FHIT: variants seen among roughly 807,000 people sequenced by gnomAD.
The protein encoded by FHIT is fragile histidine triad diadenosine triphosphatase.
In FHIT, 19 loss-of-function variants were observed where a neutral mutation model predicts 17.9. The observed-to-expected ratio is 1.06, with a 90% CI of 0.74 to 1.56. The LOEUF is 1.56. Among genes scored for constraint, FHIT ranks in the 40% most tolerant of loss-of-function variants. FHIT has a pLI of 0.00. For missense variants in FHIT, 248 were observed against 189.2 expected, an observed-to-expected ratio of 1.31 and a Z score of -1.82; for synonymous variants, 81 against 69.7, an observed-to-expected ratio of 1.16 and a Z score of -0.81.
At chr3:59,986,510 T>C (rs868150452) in intron 7 of FHIT, among the ~76,000 whole-genome samples, 1 of 2,948 alleles carries the variant, frequency 3.4e-4, no homozygotes, top group Non-Finnish European at 8.0e-4. Flanking sequence ...TATATATATA[T>C]ATATATATAT....
At chr3:60,291,645 G>C (rs904173214) in intron 5 of FHIT, among the ~76,000 whole-genome samples, 3 of 152,114 alleles carry the variant, frequency 2.0e-5, no homozygotes, top group Non-Finnish European at 4.4e-5. Context: ...TCATTAGAAA[G>C]AAAATTCTGC....
chr3:61,126,334 C>T (rs1397288048), intron 2 of FHIT, among the ~76,000 whole-genome samples: 3 of 152,072 alleles, frequency 2.0e-5, no homozygotes, highest in Non-Finnish European at 2.9e-5. Context: ...CATTTTCATA[C>T]TGCTATAAAT....
At chr3:61,077,485 C>CAAACAAAAAAAAA (rs1553826816) in intron 2 of FHIT, among the ~76,000 whole-genome samples, 2 of 151,304 alleles carry the variant, frequency 1.3e-5, no homozygotes, top group African/African-American at 4.8e-5. Flanking sequence ...AACAAACAAA[C>CAAACAAAAAAAAA]AAAAAAAAAC....
At chr3:60,752,531 T>C (rs1553717104) in intron 4 of FHIT, among the ~76,000 whole-genome samples, 1 of 152,146 alleles carries the variant, frequency 6.6e-6, no homozygotes, top group African/African-American at 2.4e-5. Context: ...AAGTGAGACC[T>C]CCTCTCCAAG....
chr3:60,977,490 A>T (rs1299049193), intron 3 of FHIT, among the ~76,000 whole-genome samples: 6 of 152,186 alleles, frequency 3.9e-5, no homozygotes, highest in African/African-American at 1.4e-4. Flanking sequence ...CAAACAAGCA[A>T]ATGTGCTCAG....
At chr3:60,050,228 T>A (rs1195379552) in intron 5 of FHIT, among the ~76,000 whole-genome samples, 6 of 152,192 alleles carry the variant, frequency 3.9e-5, no homozygotes, top group African/African-American at 1.4e-4. Context: ...CTCCAATATT[T>A]TCTTAGCTTG....
chr3:60,607,981 C>T (rs374875091), intron 4 of FHIT, among the ~76,000 whole-genome samples: 17 of 152,266 alleles, frequency 1.1e-4, no homozygotes, highest in African/African-American at 4.1e-4. Flanking sequence ...CTCCTCCCTG[C>T]TCCCACTTGC....
intron 5 of FHIT, among the ~76,000 whole-genome samples, chr3:60,044,690 T>C (rs537853875): frequency 6.6e-6 from 1 of 152,224 alleles, no homozygotes; most frequent in East Asian, 1.9e-4. Context: ...ATGATGAAAA[T>C]GAGACTCAAA....
intron 2 of FHIT, among the ~76,000 whole-genome samples, chr3:61,058,102 A>G (rs1378527971): frequency 6.6e-6 from 1 of 152,170 alleles, no homozygotes; most frequent in Admixed American, 6.5e-5. Flanking sequence ...TGTTGAAAGG[A>G]TTCACTGAGA....
intron 3 of FHIT, among the ~76,000 whole-genome samples, chr3:60,983,460 G>A (rs1710580627): frequency 6.6e-6 from 1 of 152,146 alleles, no homozygotes; most frequent in Admixed American, 6.5e-5. Context: ...AGAAGGAGAT[G>A]AATTCCAGGT....
intron 4 of FHIT, among the ~76,000 whole-genome samples, chr3:60,585,868 A>G (rs2037889554): frequency 6.6e-6 from 1 of 151,772 alleles, no homozygotes; most frequent in South Asian, 2.1e-4. Flanking sequence ...CCAGATTTGG[A>G]TAAATTTGGG....
chr3:60,066,696 A>T (rs1017864142), intron 5 of FHIT, among the ~76,000 whole-genome samples: 1 of 109,048 alleles, frequency 9.2e-6, no homozygotes, highest in Non-Finnish European at 1.7e-5. Flanking sequence ...TTGCTCTGTC[A>T]CCCAGGCTGG....
chr3:60,018,238 C>T (rs978857327), intron 5 of FHIT, among the ~76,000 whole-genome samples: 2 of 152,146 alleles, frequency 1.3e-5, no homozygotes, highest in African/African-American at 2.4e-5. Context: ...ACAACCAGCT[C>T]TTCTGGGAAC....
intron 5 of FHIT, chr3:60,535,781 T>C (rs1253424872): frequency 1.3e-5 from 2 of 150,760 alleles, no homozygotes; most frequent in East Asian, 2.0e-4. Context: ...ATCACAATTA[T>C]CTTTTGGTAC....
At chr3:60,034,105 T>A (rs1393193949) in intron 5 of FHIT, among the ~76,000 whole-genome samples, 1 of 152,222 alleles carries the variant, frequency 6.6e-6, no homozygotes, top group Non-Finnish European at 1.5e-5. Flanking sequence ...CCTCACTCAA[T>A]CTTCACAACA....
In FHIT at chr3:60,078,029, C is replaced by T. The variant is rs985926468; in HGVS notation, c.104-63877G>A. On this transcript the variant is annotated intron_variant, in intron 5 of 9. Coordinates refer to ENST00000492590, the MANE Select transcript of FHIT (RefSeq NM_002012.4). ...GGTGGGGGAGAAAAGCCCTTCCTTA[C>T]AGAATTTCAAGTCATAAATAAGGAG... Among the ~76,000 whole-genome samples the T allele has an allele frequency of 2.6e-5, 4 of 151,828 alleles. No individual in the cohort carries two copies. In the East Asian group the frequency reaches 7.7e-4, roughly 29 times the overall value.
chr3:59,790,983 T>C (rs1355338843), intron 8 of FHIT, among the ~76,000 whole-genome samples: 1 of 152,224 alleles, frequency 6.6e-6, no homozygotes, highest in Non-Finnish European at 1.5e-5. Context: ...CCTTCAGGAC[T>C]CTGGTGAAAT....
chr3:60,320,284 G>A (rs1709361368), intron 5 of FHIT, among the ~76,000 whole-genome samples: 1 of 152,176 alleles, frequency 6.6e-6, no homozygotes, highest in African/African-American at 2.4e-5. Flanking sequence ...AACTGGGGCA[G>A]ATGGGGGTGG....
chr3:60,614,948 G>A lies in FHIT; in HGVS notation c.-17-77969C>T, dbSNP rs553479916. Among the ~76,000 whole-genome samples the A allele has an allele frequency of 1.3e-3, 193 of 150,036 alleles. 1 individual carries two copies. Among genetic ancestry groups the A allele is most frequent in the East Asian group, 1.2e-3 (6 of 4,998 alleles). ...AGGTTCAAGCAATTCTCCTGCCTCA[G>A]TCTCCCGGGTAGCTGGGACTACAGG... On this transcript the variant is annotated intron_variant, in intron 4 of 9. Coordinates refer to ENST00000492590, the MANE Select transcript of FHIT (RefSeq NM_002012.4).
Sources: allele counts gnomAD v4.1 joint callset (sites outside exome capture counted in the v4.1 genomes callset), GRCh38; gene constraint gnomAD v4.1.1; transcripts MANE v1.5; gene names NCBI Gene and HGNC (gene_info 2026-07-23, HGNC 2026-07-21).